Variants in GNA12 observed in about 807,000 individuals in gnomAD.
The protein encoded by GNA12 is guanine nucleotide-binding protein subunit alpha-12.
Under a neutral mutation model 26.0 loss-of-function variants are expected in GNA12, and 9 were observed. That is an observed-to-expected ratio of 0.35 (90% CI 0.21 to 0.60). GNA12 has a LOEUF of 0.60. Ranked by LOEUF, GNA12 falls within the 20% of genes least tolerant of loss-of-function variation. The probability of loss-of-function intolerance (pLI) is 0.78; values close to 1 mark genes in which losing one functional copy is unlikely to be tolerated. For synonymous variants in GNA12, 264 were observed against 219.6 expected, an observed-to-expected ratio of 1.20 and a Z score of -1.79; for missense variants, 405 against 525.8, an observed-to-expected ratio of 0.77 and a Z score of 2.25.
chr7:2,747,515 G>A (rs1214666260), intron 2 of GNA12, among the ~76,000 whole-genome samples: 5 of 152,114 alleles, frequency 3.3e-5, no homozygotes, highest in Non-Finnish European at 7.4e-5. Context: ...TTGATGGGAC[G>A]TATCTCAAAA....
chr7:2,840,011 T>C (rs953017708), intron 1 of GNA12, among the ~76,000 whole-genome samples: 2 of 151,830 alleles, frequency 1.3e-5, no homozygotes, highest in Non-Finnish European at 2.9e-5. Context: ...AACAACAGAA[T>C]AGATTATTCA....
rs56384682 is a variant in GNA12, at chr7:2,763,191, AACACAC to A, written c.526-29696_526-29691del. On this transcript the variant is annotated intron_variant, in intron 2 of 3. Coordinates refer to ENST00000275364, the MANE Select transcript of GNA12 (RefSeq NM_007353.3). The stretch of plus-strand genomic sequence containing the variant: ...TTAGCAGGACTTCACAAGACACCCC[AACACAC>A]ACACACACACACACACACACACACA... 615 of 222,702 alleles carry A rather than the reference AACACAC, an allele frequency of 2.8e-3. 4 individuals are homozygous for A. The highest frequency in any genetic ancestry group is 0.011 in the African/African-American group (417 of 37,024). 13.8% of individuals were successfully genotyped at this position (222,702 alleles called of 1,614,324 possible).
At chr7:2,792,800 TA>T (rs1295071468) in intron 2 of GNA12, among the ~76,000 whole-genome samples, 1 of 152,218 alleles carries the variant, frequency 6.6e-6, no homozygotes, top group Non-Finnish European at 1.5e-5. Flanking sequence ...AAGGGGCTAG[TA>T]AAAACGTCAT....
intron 2 of GNA12, among the ~76,000 whole-genome samples, chr7:2,753,912 G>C (rs1374897609): frequency 6.6e-6 from 1 of 152,134 alleles, no homozygotes; most frequent in Non-Finnish European, 1.5e-5. Flanking sequence ...GGCAGGGAGA[G>C]CTCATGTATG....
At chr7:2,776,405 C>T (rs904048441) in intron 2 of GNA12, among the ~76,000 whole-genome samples, 24 of 152,216 alleles carry the variant, frequency 1.6e-4, no homozygotes, top group Admixed American at 6.5e-5. Context: ...GTACATCCCA[C>T]GGTGTCCAAC....
chr7:2,732,684 C>A (rs934129968), intron 3 of GNA12, among the ~76,000 whole-genome samples: 1 of 152,206 alleles, frequency 6.6e-6, no homozygotes, highest in Non-Finnish European at 1.5e-5. Context: ...TGACTACCAC[C>A]CACGGGGTGT....
At chr7:2,761,258 C>A (rs1791540866) in intron 2 of GNA12, among the ~76,000 whole-genome samples, 1 of 152,188 alleles carries the variant, frequency 6.6e-6, no homozygotes, top group Non-Finnish European at 1.5e-5. Context: ...CACAGTCCCC[C>A]TCTGGGTCTC....
intron 1 of GNA12, among the ~76,000 whole-genome samples, chr7:2,800,243 T>C (rs1282995478): frequency 2.0e-5 from 3 of 152,240 alleles, no homozygotes; most frequent in African/African-American, 4.8e-5. Context: ...GATCACGCAC[T>C]ATGCGATTCT....
In GNA12 at chr7:2,815,031, C is replaced by T. The variant is rs563016216; in HGVS notation, c.310-19888G>A. 3.2e-4 allele frequency: 478 copies of T among 1,506,392 alleles called. 1 individual carries two copies. The African/African-American group carries it at 6.2e-3, about 19-fold the overall frequency. 93.3% of individuals were successfully genotyped at this position (1,506,392 alleles called of 1,614,324 possible). ...CTCGCCCCTTCCACCCAATCCAGTC[C>T]CCTGTCAAAGCCACCAAGCGCCGCC... is the stretch of plus-strand genomic sequence containing the variant. On this transcript the variant is annotated intron_variant, in intron 1 of 3. Coordinates refer to ENST00000275364, the MANE Select transcript of GNA12 (RefSeq NM_007353.3).
At chr7:2,808,056 C>A in intron 1 of GNA12, among the ~76,000 whole-genome samples, 1 of 152,280 alleles carries the variant, frequency 6.6e-6, no homozygotes, top group East Asian at 1.9e-4. Context: ...GCTCTGCAGG[C>A]ATCCATCTTC....
chr7:2,800,758 T>C (rs1792790212), intron 1 of GNA12, among the ~76,000 whole-genome samples: 1 of 151,946 alleles, frequency 6.6e-6, no homozygotes, highest in South Asian at 2.1e-4. Context: ...TCTGAGCGAG[T>C]GGCAGTGGTG....
At chr7:2,747,540 T>C (rs537413860) in intron 2 of GNA12, among the ~76,000 whole-genome samples, 5 of 152,256 alleles carry the variant, frequency 3.3e-5, no homozygotes, top group Admixed American at 2.0e-4. Flanking sequence ...AAGAGCTATC[T>C]ATGACAAACC....
chr7:2,791,962 C>CATCT (rs1317802079), intron 2 of GNA12, among the ~76,000 whole-genome samples: 1 of 152,106 alleles, frequency 6.6e-6, no homozygotes, highest in Non-Finnish European at 1.5e-5. Flanking sequence ...ATCATCTCTG[C>CATCT]ATCTGATTAT....
chr7:2,805,252 C>T (rs375139455), intron 1 of GNA12, among the ~76,000 whole-genome samples: 151 of 152,324 alleles, frequency 9.9e-4, no homozygotes, highest in Admixed American at 3.1e-3. Flanking sequence ...GCCATGTGAA[C>T]GACACTGTGT....
In GNA12 at chr7:2,733,491, A is replaced by G; in HGVS notation, c.536T>C (p.Val179Ala). 1 of 1,613,554 alleles carries G rather than the reference A, an allele frequency of 6.2e-7. No individual in the cohort carries two copies. Among genetic ancestry groups the G allele is most frequent in the Non-Finnish European group, 8.5e-7 (1 of 1,179,566 alleles). Reference protein sequence around the residue: ...RRSEFQLGESVKYFLDNLDRI... With the variant: ...RRSEFQLGESAKYFLDNLDRI... ...GTCCAAGTTGTCCAGGAAGTACTTC[A>G]CCGACTCCCCCTGTCAGGAAGGAAG... Residue 179 changes from valine (V) to alanine (A), a missense_variant, in exon 3 of 4, where the codon GTG (valine) becomes GCG (alanine). Val to Ala is a moderately conservative substitution (Grantham distance 64). Transcript: ENST00000275364.
intron 2 of GNA12, among the ~76,000 whole-genome samples, chr7:2,754,782 A>C (rs1791212002): frequency 6.6e-6 from 1 of 152,096 alleles, no homozygotes; most frequent in Non-Finnish European, 1.5e-5. Context: ...AACATTTCAA[A>C]TTTTGATGAA....
intron 2 of GNA12, among the ~76,000 whole-genome samples, chr7:2,740,491 T>A (rs1304100797): frequency 6.6e-6 from 1 of 152,190 alleles, no homozygotes; most frequent in African/African-American, 2.4e-5. Context: ...GCCACCCAGA[T>A]CCTCAATTTC....
chr7:2,827,216 T>C (rs1339837617), intron 1 of GNA12, among the ~76,000 whole-genome samples: 2 of 152,178 alleles, frequency 1.3e-5, no homozygotes, highest in Non-Finnish European at 2.9e-5. Context: ...GATTAGTGGT[T>C]GCCAGGGGCC....
Position 2,758,997 on chromosome 7 carries a change from GGGCGT to G in GNA12, c.526-25501_526-25497del, listed in dbSNP as rs547301701. ...TCTACTAAAAATACAAAAACTAGCG[GGGCGT>G]GGTGGTGGGCGCCTGTAATCCCAGC... is the stretch of plus-strand genomic sequence containing the variant. On this transcript the variant is annotated intron_variant, in intron 2 of 3. Transcript: ENST00000275364. 2.6e-3 allele frequency among the ~76,000 whole-genome samples: 388 copies of G among 152,042 alleles called. 1 individual carries two copies. The highest frequency in any genetic ancestry group is 3.8e-3 in the Admixed American group (58 of 15,272).
Sources: gnomAD v4.1 joint callset for allele counts (sites outside exome capture counted in the v4.1 genomes callset) on GRCh38, gnomAD v4.1.1 for gene constraint, MANE v1.5 for transcripts, NCBI Gene and HGNC (gene_info 2026-07-23, HGNC 2026-07-21) for gene names.